DIAPH3: variants seen among roughly 807,000 people sequenced by gnomAD.
DIAPH3 encodes protein diaphanous homolog 3.
DIAPH3 carries 117 observed loss-of-function variants against 144.3 expected under a neutral mutation model. That is an observed-to-expected ratio of 0.81 (90% CI 0.70 to 0.95). DIAPH3 has a LOEUF of 0.95. DIAPH3 is among the 40% of genes least tolerant of loss of function. The probability of loss-of-function intolerance (pLI) is 0.00; values close to 1 mark genes in which losing one functional copy is unlikely to be tolerated. For missense variants in DIAPH3, 1,421 were observed against 1,412.7 expected, an observed-to-expected ratio of 1.01 and a Z score of -0.09; for synonymous variants, 519 against 488.9, an observed-to-expected ratio of 1.06 and a Z score of -0.81.
At chr13:59,973,706 A>G (rs1594181621) in intron 15 of DIAPH3, among the ~76,000 whole-genome samples, 1 of 152,108 alleles carries the variant, frequency 6.6e-6, no homozygotes, top group South Asian at 2.1e-4. Context: ...TAGCAAAACT[A>G]TACTTATTGC....
At chr13:60,001,131 G>C (rs540527691) in intron 9 of DIAPH3, among the ~76,000 whole-genome samples, 2 of 152,258 alleles carry the variant, frequency 1.3e-5, no homozygotes, top group East Asian at 3.9e-4. Flanking sequence ...TATCTCTCCA[G>C]AGCAAAGAGC....
chr13:59,800,642 A>C (rs2039855855), intron 25 of DIAPH3, among the ~76,000 whole-genome samples: 1 of 152,250 alleles, frequency 6.6e-6, no homozygotes, highest in South Asian at 2.1e-4. Context: ...TTAATGATAG[A>C]ATCAATTAGA....
At chr13:59,915,773 C>G (rs766206597) in intron 19 of DIAPH3, among the ~76,000 whole-genome samples, 4 of 151,878 alleles carry the variant, frequency 2.6e-5, no homozygotes, top group Non-Finnish European at 5.9e-5. Flanking sequence ...TTGAAAACTC[C>G]CTCAATCTTC....
intron 27 of DIAPH3, among the ~76,000 whole-genome samples, chr13:59,678,940 C>T (rs530800879): frequency 4.7e-4 from 72 of 152,276 alleles, no homozygotes; most frequent in Non-Finnish European, 9.0e-4. Context: ...GACTACATGA[C>T]AACTCAGGAT....
At chr13:59,840,057 C>A (rs2042253936) in intron 22 of DIAPH3, among the ~76,000 whole-genome samples, 1 of 151,990 alleles carries the variant, frequency 6.6e-6, no homozygotes, top group Admixed American at 6.6e-5. Flanking sequence ...AAATGGTAAA[C>A]CAGGGCACTG....
chr13:60,137,925 T>C (rs1167721074), intron 1 of DIAPH3, among the ~76,000 whole-genome samples: 4 of 151,922 alleles, frequency 2.6e-5, no homozygotes, highest in African/African-American at 7.3e-5. Flanking sequence ...GGTTTCGCCA[T>C]GTTGGCCAGA....
At chr13:59,716,116 A>G (rs1165547280) in intron 27 of DIAPH3, among the ~76,000 whole-genome samples, 3 of 152,204 alleles carry the variant, frequency 2.0e-5, no homozygotes, top group Non-Finnish European at 4.4e-5. Context: ...AAATGCATTA[A>G]TATTCATGAT....
intron 5 of DIAPH3, among the ~76,000 whole-genome samples, chr13:60,036,438 T>C: frequency 6.6e-6 from 1 of 152,054 alleles, no homozygotes; most frequent in East Asian, 1.9e-4. Context: ...TTTTCATTCA[T>C]TTTTAGTTAA....
At chr13:59,782,816 G>A (rs76144073) in intron 25 of DIAPH3, among the ~76,000 whole-genome samples, 3,229 of 152,300 alleles carry the variant, frequency 0.021, 85 homozygotes, top group East Asian at 0.12. Context: ...ACCGATTTAA[G>A]AGTGCCAGAG....
At chr13:60,064,026 T>C (rs1431401661) in intron 4 of DIAPH3, among the ~76,000 whole-genome samples, 4 of 152,178 alleles carry the variant, frequency 2.6e-5, no homozygotes, top group Non-Finnish European at 5.9e-5. Context: ...TTAAAGAATA[T>C]TTTTTCTGAA....
At chr13:60,010,098 T>C (rs1293458133) in intron 8 of DIAPH3, among the ~76,000 whole-genome samples, 1 of 152,168 alleles carries the variant, frequency 6.6e-6, no homozygotes, top group Non-Finnish European at 1.5e-5. Context: ...CATAAATCAC[T>C]TTCTAATCTG....
chr13:59,829,463 C>T (rs1237137036), intron 24 of DIAPH3, among the ~76,000 whole-genome samples: 1 of 151,834 alleles, frequency 6.6e-6, no homozygotes, highest in Non-Finnish European at 1.5e-5. Context: ...TAATGATAGG[C>T]AAGTCAGGAT....
intron 4 of DIAPH3, among the ~76,000 whole-genome samples, chr13:60,049,919 G>A (rs1039340427): frequency 6.6e-6 from 1 of 152,220 alleles, no homozygotes; most frequent in Admixed American, 6.5e-5. Flanking sequence ...GCTAAGCATG[G>A]TAGCTCATGC....
rs1218742666 is a variant in DIAPH3, at chr13:59,717,630, G to T, written c.3320-50784C>A. Reference sequence around the variant, plus strand: ...TATTGTATTTAAAGAACTTTTAAAAGCTCCATAAATGATTAGGTTTTGTTT... The same window carrying T: ...TATTGTATTTAAAGAACTTTTAAAATCTCCATAAATGATTAGGTTTTGTTT... On this transcript the variant is annotated intron_variant, in intron 27 of 27. Coordinates refer to ENST00000400324, the MANE Select transcript of DIAPH3 (RefSeq NM_001042517.2). Among the ~76,000 whole-genome samples, 3 of 152,236 alleles carry T rather than the reference G, an allele frequency of 2.0e-5. No homozygotes were observed. The Middle Eastern group carries it at 0.01, about 518-fold the overall frequency.
intron 17 of DIAPH3, among the ~76,000 whole-genome samples, chr13:59,949,347 C>G (rs192059312): frequency 6.6e-6 from 1 of 152,120 alleles, no homozygotes; most frequent in African/African-American, 2.4e-5. Flanking sequence ...CATTTAGTCA[C>G]AAATATCTGG....
chr13:60,082,717 G>C (rs891819237), intron 4 of DIAPH3, among the ~76,000 whole-genome samples: 1 of 152,044 alleles, frequency 6.6e-6, no homozygotes, highest in Non-Finnish European at 1.5e-5. Flanking sequence ...TCCTTCAGAG[G>C]AATCTACTAA....
intron 21 of DIAPH3, among the ~76,000 whole-genome samples, chr13:59,876,034 T>A (rs567640946): frequency 1.3e-5 from 2 of 152,294 alleles, no homozygotes; most frequent in South Asian, 4.1e-4. Context: ...GTAAAGGGCA[T>A]TTAAAAGTAA....
intron 17 of DIAPH3, among the ~76,000 whole-genome samples, chr13:59,964,676 C>T (rs1262150462): frequency 6.6e-6 from 1 of 152,086 alleles, no homozygotes; most frequent in African/African-American, 2.4e-5. Flanking sequence ...ATTTCTTCCG[C>T]ACCCCAACAG....
At chr13:59,869,815 T>C (rs1266186577) in intron 21 of DIAPH3, among the ~76,000 whole-genome samples, 1 of 152,220 alleles carries the variant, frequency 6.6e-6, no homozygotes, top group African/African-American at 2.4e-5. Flanking sequence ...TCTTCACATC[T>C]TTTGATCATT....
Sources: allele counts gnomAD v4.1 joint callset (sites outside exome capture counted in the v4.1 genomes callset), GRCh38; gene constraint gnomAD v4.1.1; transcripts MANE v1.5; gene names NCBI Gene and HGNC (gene_info 2026-07-23, HGNC 2026-07-21).